NEGR1: variants seen among roughly 807,000 people sequenced by gnomAD.
The protein encoded by NEGR1 is IgLON family member 4.
In NEGR1, 10 loss-of-function variants were observed where a neutral mutation model predicts 40.9. The observed-to-expected ratio is 0.24, with a 90% CI of 0.15 to 0.42. The LOEUF (loss-of-function observed/expected upper bound fraction) is 0.42. NEGR1 is among the 10% of genes least tolerant of loss of function. The probability of loss-of-function intolerance (pLI) is 1.00; values close to 1 mark genes in which losing one functional copy is unlikely to be tolerated. For synonymous variants in NEGR1, 185 were observed against 166.8 expected, an observed-to-expected ratio of 1.11 and a Z score of -0.84; for missense variants, 352 against 438.9, an observed-to-expected ratio of 0.80 and a Z score of 1.77.
At chr1:71,688,391 A>ATAAAAGATATAT (rs1428936905) in intron 4 of NEGR1, among the ~76,000 whole-genome samples, 1 of 26,932 alleles carries the variant, frequency 3.7e-5, no homozygotes, top group Non-Finnish European at 7.3e-5. Flanking sequence ...AAAGATATAT[A>ATAAAAGATATAT]AAATATATAT....
chr1:71,915,576 C>T lies in NEGR1; in HGVS notation c.409+19503G>A, dbSNP rs191611234. On this transcript the variant is annotated intron_variant, in intron 2 of 6. Coordinates refer to ENST00000357731, the MANE Select transcript of NEGR1 (RefSeq NM_173808.3). ...TCATTTCTTAATTTTGAAGGAAATT[C>T]TATAATGTGGGTTTCATTCTCCACA... Among the ~76,000 whole-genome samples the T allele has an allele frequency of 2.6e-5, 4 of 152,162 alleles. No individual in the cohort carries two copies. The East Asian group carries it at 7.7e-4, about 29-fold the overall frequency.
intron 5 of NEGR1, among the ~76,000 whole-genome samples, chr1:71,594,196 T>C (rs527258966): frequency 4.8e-4 from 73 of 152,230 alleles, no homozygotes; most frequent in Non-Finnish European, 9.0e-4. Flanking sequence ...AACTTGATAA[T>C]AACTTCTACA....
At chr1:71,876,574 T>C (rs993275033) in intron 2 of NEGR1, among the ~76,000 whole-genome samples, 1 of 124,406 alleles carries the variant, frequency 8.0e-6, no homozygotes, top group African/African-American at 3.1e-5. Context: ...GAAGGAAGGA[T>C]GGGAGGGAGG....
chr1:72,085,529 T>C (rs577105354), intron 1 of NEGR1, among the ~76,000 whole-genome samples: 8 of 152,346 alleles, frequency 5.3e-5, no homozygotes, highest in Admixed American at 4.6e-4. Flanking sequence ...TTCTTTGTTC[T>C]TTTAATCAGT....
At chr1:71,410,024 A>ATCTTCTTCCACTCAGCC (rs1553139348) in intron 6 of NEGR1, among the ~76,000 whole-genome samples, 1 of 152,060 alleles carries the variant, frequency 6.6e-6, no homozygotes, top group Non-Finnish European at 1.5e-5. Flanking sequence ...GTGTAGCTGT[A>ATCTTCTTCCACTCAGCC]TCTTCTTCCA....
chr1:72,238,606 C>A (rs2100510303), intron 1 of NEGR1, among the ~76,000 whole-genome samples: 1 of 151,954 alleles, frequency 6.6e-6, no homozygotes, highest in South Asian at 2.1e-4. Context: ...TCCTGAGGCA[C>A]CTTCAACCTG....
intron 6 of NEGR1, among the ~76,000 whole-genome samples, chr1:71,442,982 C>G (rs1434677372): frequency 6.6e-6 from 1 of 152,182 alleles, no homozygotes; most frequent in East Asian, 1.9e-4. Context: ...TACACTCAGG[C>G]TCAGCCAGTG....
intron 1 of NEGR1, among the ~76,000 whole-genome samples, chr1:72,150,026 A>AT (rs1173164375): frequency 1.3e-5 from 2 of 152,074 alleles, no homozygotes; most frequent in Non-Finnish European, 2.9e-5. Context: ...CCTGTCACAC[A>AT]TATCTTCATG....
chr1:71,776,376 T>G, intron 2 of NEGR1, 79 bp from the exon 3 acceptor site: 1 of 858,268 alleles, frequency 1.2e-6, no homozygotes, highest in Admixed American at 2.9e-5. Context: ...TTCCATAATA[T>G]CATGCAAGAA....
At chr1:71,748,613 T>C (rs1655465260) in intron 3 of NEGR1, among the ~76,000 whole-genome samples, 1 of 152,160 alleles carries the variant, frequency 6.6e-6, no homozygotes, top group Non-Finnish European at 1.5e-5. Flanking sequence ...ACTTATAATA[T>C]TTCAGTGGGC....
At chr1:71,912,940 T>C (rs1196931433) in intron 2 of NEGR1, among the ~76,000 whole-genome samples, 1 of 152,156 alleles carries the variant, frequency 6.6e-6, no homozygotes, top group Non-Finnish European at 1.5e-5. Context: ...ATCTTTTATC[T>C]GACATTTTTA....
intron 2 of NEGR1, among the ~76,000 whole-genome samples, chr1:71,778,795 G>A (rs577896634): frequency 1.3e-4 from 20 of 152,256 alleles, no homozygotes; most frequent in African/African-American, 4.6e-4. Flanking sequence ...AATACTGTCT[G>A]ATCAAAAAAT....
At chr1:71,450,569 G>A (rs929772346) in intron 6 of NEGR1, among the ~76,000 whole-genome samples, 4 of 152,026 alleles carry the variant, frequency 2.6e-5, no homozygotes, top group Admixed American at 6.5e-5. Context: ...CACTTTGGGA[G>A]GCTGAGGCGG....
intron 2 of NEGR1, among the ~76,000 whole-genome samples, chr1:71,934,683 A>G (rs150272071): frequency 1.4e-3 from 214 of 152,304 alleles, no homozygotes; most frequent in African/African-American, 4.9e-3. Flanking sequence ...TCAAAGGAAG[A>G]TATGAGGTGA....
At chr1:71,738,827 C>A (rs577423529) in intron 3 of NEGR1, among the ~76,000 whole-genome samples, 2 of 152,002 alleles carry the variant, frequency 1.3e-5, no homozygotes, top group African/African-American at 4.8e-5. Context: ...TAGGGATGCA[C>A]GAGGATCCCT....
chr1:72,240,881 A>G (rs991810285), intron 1 of NEGR1, among the ~76,000 whole-genome samples: 2 of 151,810 alleles, frequency 1.3e-5, no homozygotes, highest in East Asian at 1.9e-4. Context: ...TTAATCTTAT[A>G]GTACTGATTA....
chr1:71,607,900 G>A lies in NEGR1; in HGVS notation c.788+3126C>T, dbSNP rs147588877. On this transcript the variant is annotated intron_variant, in intron 5 of 6. Transcript: ENST00000357731. The stretch of plus-strand genomic sequence containing the variant: ...GATGGGGTTTCACCATGTTGGCCAG[G>A]GTGGTCTCTATCTCTTGACCTTGTG... Among the ~76,000 whole-genome samples, 1,184 of 152,194 alleles carry A rather than the reference G, an allele frequency of 7.8e-3. 27 individuals are homozygous for A. Among genetic ancestry groups the A allele is most frequent in the African/African-American group, 0.027 (1,137 of 41,528 alleles).
At chr1:72,026,416 C>A (rs1420881902) in intron 1 of NEGR1, among the ~76,000 whole-genome samples, 1 of 150,618 alleles carries the variant, frequency 6.6e-6, no homozygotes, top group African/African-American at 2.4e-5. Context: ...TCCCACACCT[C>A]ACAAAAGAGT....
intron 2 of NEGR1, among the ~76,000 whole-genome samples, chr1:71,849,951 T>C (rs927167570): frequency 6.6e-6 from 1 of 152,060 alleles, no homozygotes; most frequent in African/African-American, 2.4e-5. Flanking sequence ...AATGTGAAAA[T>C]GTGCCACCAA....
Sources: gnomAD v4.1 joint callset for allele counts (sites outside exome capture counted in the v4.1 genomes callset) on GRCh38, gnomAD v4.1.1 for gene constraint, MANE v1.5 for transcripts, NCBI Gene and HGNC (gene_info 2026-07-23, HGNC 2026-07-21) for gene names.